SCAF11: variants seen among roughly 807,000 people sequenced by gnomAD.
SCAF11 encodes the protein SR-related CTD associated factor 11, also known as protein SCAF11.
SCAF11 carries 47 observed loss-of-function variants against 140.5 expected under a neutral mutation model. The observed-to-expected ratio is 0.33, with a 90% CI of 0.26 to 0.43. The LOEUF is 0.43. Among genes scored for constraint, SCAF11 ranks in the 20% least tolerant of loss-of-function variants. The probability of loss-of-function intolerance (pLI) is 1.00; values close to 1 mark genes in which losing one functional copy is unlikely to be tolerated. For synonymous variants in SCAF11, 557 were observed against 579.4 expected (o/e 0.96, Z 0.55); for missense variants, 1,645 against 1,705.1 (o/e 0.96, Z 0.62).
chr12:45,973,455 G>A (rs1322582617), intron 1 of SCAF11, among the ~76,000 whole-genome samples: 7 of 152,070 alleles, frequency 4.6e-5, no homozygotes, highest in Admixed American at 4.6e-4. Context: ...CTGAAATTTG[G>A]TGAAAGGCAT....
At chr12:45,942,636 C>A (rs1945331690) in intron 6 of SCAF11, among the ~76,000 whole-genome samples, 1 of 152,216 alleles carries the variant, frequency 6.6e-6, no homozygotes, top group South Asian at 2.1e-4. Context: ...CAGGCTTTTA[C>A]ACTTGCTGTT....
intron 1 of SCAF11, among the ~76,000 whole-genome samples, chr12:45,984,056 C>T (rs1399857966): frequency 6.6e-6 from 1 of 152,150 alleles, no homozygotes; most frequent in Admixed American, 6.5e-5. Flanking sequence ...CTGTATGCTG[C>T]TATTCTGGCT....
intron 1 of SCAF11, among the ~76,000 whole-genome samples, chr12:45,972,486 G>A (rs567801355): frequency 2.6e-5 from 4 of 151,584 alleles, no homozygotes; most frequent in African/African-American, 9.7e-5. Flanking sequence ...TCAGGTGACT[G>A]GGGCAGGAGG....
intron 1 of SCAF11, among the ~76,000 whole-genome samples, chr12:45,970,396 A>G (rs1443637067): frequency 1.3e-5 from 2 of 152,252 alleles, no homozygotes; most frequent in Non-Finnish European, 2.9e-5. Context: ...GAAGAGGGAT[A>G]TAAATGGCCA....
At chr12:45,978,527 A>G (rs1946285143) in intron 1 of SCAF11, among the ~76,000 whole-genome samples, 1 of 152,074 alleles carries the variant, frequency 6.6e-6, no homozygotes, top group Admixed American at 6.6e-5. Context: ...GATGTTACAG[A>G]CTCATTTTAC....
intron 2 of SCAF11, among the ~76,000 whole-genome samples, chr12:45,962,843 A>G (rs754410537): frequency 2.0e-5 from 3 of 152,234 alleles, no homozygotes; most frequent in Non-Finnish European, 4.4e-5. Context: ...CCTCTGGAGG[A>G]AAGAATACCT....
In SCAF11 at chr12:45,927,248, G is replaced by A. The variant is rs751406721; in HGVS notation, c.2453C>T (p.Ser818Phe). 3.1e-6 allele frequency: 5 copies of A among 1,613,944 alleles called. No individual in the cohort carries two copies. In the South Asian group the frequency reaches 5.5e-5, roughly 18 times the overall value. ...TTCTTTCCCAGTTTCTCTTCTGGGA[G>A]ATGGAGACTGGGGCCGCTTCTTTTC... The part of the protein sequence containing the change: ...PQEKKRPQSP[S>F]PRRETGKESR... Residue 818 changes from serine to phenylalanine, a missense_variant, in exon 11 of 15, where the codon TCT (serine) becomes TTT (phenylalanine). Transcript: ENST00000369367.
At chr12:45,963,216 G>A (rs1592207652) in intron 2 of SCAF11, among the ~76,000 whole-genome samples, 1 of 152,130 alleles carries the variant, frequency 6.6e-6, no homozygotes, top group African/African-American at 2.4e-5. Flanking sequence ...TAATGGTCGG[G>A]AAATGATTAA....
Position 45,921,748 on chromosome 12 carries a change from C to A in SCAF11, c.*300G>T, listed in dbSNP as rs758469528. ...AATTTATGCACTCCATTGCCCTAAT[C>A]AAAAAGCTATACATTTTCCAGTATC... On this transcript the variant is annotated 3_prime_UTR_variant, in exon 15 of 15. Coordinates refer to ENST00000369367, the MANE Select transcript of SCAF11 (RefSeq NM_004719.3). 3.1e-5 allele frequency: 7 copies of A among 224,876 alleles called. No individual in the cohort carries two copies. Among genetic ancestry groups the A allele is most frequent in the Non-Finnish European group, 6.1e-5 (7 of 115,500 alleles). 13.9% of individuals were successfully genotyped at this position (224,876 alleles called of 1,614,324 possible). A position where few individuals can be genotyped will look rare whatever the true frequency, so the allele number is the denominator to read the frequency against.
At position 45,920,437 on chromosome 12, in the gene SCAF11, C is replaced by T. The variant is rs1385732292; in HGVS notation, c.*1611G>A. 17 of 152,332 alleles carry T rather than the reference C, an allele frequency of 1.1e-4. No individual in the cohort carries two copies. The highest frequency in any genetic ancestry group is 5.9e-5 in the Non-Finnish European group (4 of 68,032). 9.4% of individuals were successfully genotyped at this position (152,332 alleles called of 1,614,324 possible). A position where few individuals can be genotyped will look rare whatever the true frequency, so the allele number is the denominator to read the frequency against. On this transcript the variant is annotated 3_prime_UTR_variant, in exon 15 of 15. Coordinates refer to ENST00000369367, the MANE Select transcript of SCAF11 (RefSeq NM_004719.3). ...GCATGTATCTCCTTGGATCTATTAA[C>T]TTATCTGAAGAACTTTCCAGGTACT...
chr12:45,991,269 A>G (rs1471101625), upstream of SCAF11, among the ~76,000 whole-genome samples: 1 of 152,250 alleles, frequency 6.6e-6, no homozygotes, highest in East Asian at 1.9e-4. Flanking sequence ...CCACATCACA[A>G]AATTAAATTT....
At chr12:45,970,394 A>C (rs1346916480) in intron 1 of SCAF11, among the ~76,000 whole-genome samples, 2 of 152,234 alleles carry the variant, frequency 1.3e-5, no homozygotes, top group African/African-American at 4.8e-5. Context: ...AAGAAGAGGG[A>C]TATAAATGGC....
At position 45,928,346 on chromosome 12, in the gene SCAF11, T is replaced by G. The variant is rs772344423; in HGVS notation, c.1355A>C (p.Glu452Ala). The change falls in exon 11 of 15, where the codon GAG (glutamate) becomes GCG (alanine). Residue 452 changes from glutamate to alanine, a missense_variant. Coordinates refer to ENST00000369367, the MANE Select transcript of SCAF11 (RefSeq NM_004719.3). Reference sequence around the variant, plus strand: ...ATGCTTCTCACTTTCTTCTATTTGCTCATTGCAACTTTTCAAGCAATTAGC... The same window carrying G: ...ATGCTTCTCACTTTCTTCTATTTGCGCATTGCAACTTTTCAAGCAATTAGC... The part of the protein sequence containing the change: ...QSANCLKSCN[E>A]QIEESEKHTA... The G allele has an allele frequency of 1.2e-6, 2 of 1,614,018 alleles. No individual in the cohort carries two copies. The highest frequency in any genetic ancestry group is 1.1e-5 in the South Asian group (1 of 91,090).
intron 6 of SCAF11, among the ~76,000 whole-genome samples, chr12:45,935,781 T>A (rs7965539): frequency 0.094 from 14,291 of 152,218 alleles, 2,255 homozygotes; most frequent in African/African-American, 0.32. Flanking sequence ...GTTCAAAAGC[T>A]GTTTCACATA....
intron 9 of SCAF11, 129 bp from the exon 10 acceptor site, chr12:45,931,741 A>T (rs1945049631): frequency 4.4e-6 from 2 of 451,410 alleles, no homozygotes; most frequent in Admixed American, 8.7e-5. Context: ...TTGCCCAAAT[A>T]GCTAAAAATG....
chr12:45,965,703 A>T (rs1160202788), intron 1 of SCAF11, among the ~76,000 whole-genome samples: 1 of 152,254 alleles, frequency 6.6e-6, no homozygotes, highest in African/African-American at 2.4e-5. Flanking sequence ...TACGCACAAG[A>T]AATCCTTGAT....
rs751147496 is a variant in SCAF11, at chr12:45,922,924, C to A, written c.4125+12G>T. On this transcript the variant is annotated intron_variant, in intron 13 of 14. Coordinates refer to ENST00000369367, the MANE Select transcript of SCAF11 (RefSeq NM_004719.3). ...ACAGAATTATGAAGGTTGCTCTCAA[C>A]CTTGAACTTGCCTTGTCTGTCTTCG... 1.4e-5 allele frequency: 22 copies of A among 1,612,434 alleles called. No homozygotes were observed. The highest frequency in any genetic ancestry group is 1.4e-5 in the Non-Finnish European group (17 of 1,178,554).
At chr12:45,988,289 G>A (rs1946508335) in intron 1 of SCAF11, among the ~76,000 whole-genome samples, 1 of 152,144 alleles carries the variant, frequency 6.6e-6, no homozygotes, top group African/African-American at 2.4e-5. Flanking sequence ...TTTTATGCCT[G>A]CTACTCTCTT....
chr12:45,948,695 T>C (rs973319038), intron 4 of SCAF11, among the ~76,000 whole-genome samples, 158 bp from the exon 5 acceptor site: 4 of 152,204 alleles, frequency 2.6e-5, no homozygotes, highest in South Asian at 4.1e-4. Flanking sequence ...TGCTAAACCA[T>C]AAGCTTAGTA....
Sources: gnomAD v4.1 joint callset for allele counts (sites outside exome capture counted in the v4.1 genomes callset) on GRCh38, gnomAD v4.1.1 for gene constraint, MANE v1.5 for transcripts, NCBI Gene and HGNC (gene_info 2026-07-23, HGNC 2026-07-21) for gene names.